SPIDR: variants seen among roughly 807,000 people sequenced by gnomAD.
The protein encoded by SPIDR is DNA repair-scaffolding protein.
A neutral mutation model predicts 104.6 loss-of-function variants in SPIDR; 93 were observed. The observed-to-expected ratio is 0.89, with a 90% confidence interval of 0.75 to 1.06. The LOEUF is 1.06. Ranked by LOEUF, SPIDR falls within the 50% of genes least tolerant of loss-of-function variation. SPIDR has a pLI of 0.00. For synonymous variants in SPIDR, 431 were observed against 416.9 expected, an observed-to-expected ratio of 1.03 and a Z score of -0.41; for missense variants, 1,154 against 1,111.2, an observed-to-expected ratio of 1.04 and a Z score of -0.55.
At chr8:47,406,488 T>C (rs527593840) in intron 6 of SPIDR, among the ~76,000 whole-genome samples, 4 of 152,170 alleles carry the variant, frequency 2.6e-5, no homozygotes, top group Non-Finnish European at 5.9e-5. Flanking sequence ...GGTTGACATG[T>C]AGAGGTGCTA....
chr8:47,396,250 G>C, intron 5 of SPIDR, 126 bp from the exon 6 acceptor site: 1 of 795,218 alleles, frequency 1.3e-6, no homozygotes, highest in Non-Finnish European at 1.9e-6. Context: ...TGCAGATACT[G>C]TATTCAAAAA....
intron 10 of SPIDR, among the ~76,000 whole-genome samples, chr8:47,606,237 C>T (rs1208616699): frequency 6.6e-6 from 1 of 151,996 alleles, no homozygotes; most frequent in African/African-American, 2.4e-5. Context: ...ACAAAGATCC[C>T]GGCTGGGCAC....
Position 47,369,777 on chromosome 8 carries a change from G to A in SPIDR, c.526-26599G>A, listed in dbSNP as rs532115819. On this transcript the variant is annotated intron_variant, in intron 5 of 19. Coordinates refer to ENST00000297423, the MANE Select transcript of SPIDR (RefSeq NM_001080394.4). The stretch of plus-strand genomic sequence containing the variant: ...TATATTTAAGAGCCTGATCATTGGA[G>A]AACAAAATGCATGCGGAAAGGAAAT... Among the ~76,000 whole-genome samples the A allele has an allele frequency of 2.6e-5, 4 of 152,274 alleles. No homozygotes were observed. In the South Asian group the frequency reaches 8.3e-4, roughly 32 times the overall value.
At chr8:47,700,277 A>G (rs1390604206) in intron 11 of SPIDR, 126 bp from the exon 12 acceptor site, 13 of 986,438 alleles carry the variant, frequency 1.3e-5, no homozygotes, top group Non-Finnish European at 2.1e-5. Context: ...CTGAATCGCC[A>G]CACATCTCGA....
At chr8:47,344,732 T>A (rs1310382137) in intron 5 of SPIDR, among the ~76,000 whole-genome samples, 1 of 152,244 alleles carries the variant, frequency 6.6e-6, no homozygotes, top group Non-Finnish European at 1.5e-5. Context: ...ATGATGAGCA[T>A]TTTTTCATGT....
At chr8:47,314,133 G>A (rs1586798749) in intron 5 of SPIDR, among the ~76,000 whole-genome samples, 1 of 152,298 alleles carries the variant, frequency 6.6e-6, no homozygotes, top group African/African-American at 2.4e-5. Flanking sequence ...GATGAGTCTA[G>A]GTTGATGGAG....
chr8:47,445,993 T>A (rs1448604500), intron 8 of SPIDR, among the ~76,000 whole-genome samples: 1 of 152,238 alleles, frequency 6.6e-6, no homozygotes, highest in Non-Finnish European at 1.5e-5. Flanking sequence ...AAGTAGCAAG[T>A]GCTGACAGAG....
At chr8:47,427,047 C>T (rs1413849911) in intron 7 of SPIDR, among the ~76,000 whole-genome samples, 1 of 152,100 alleles carries the variant, frequency 6.6e-6, no homozygotes, top group Non-Finnish European at 1.5e-5. Context: ...ACTCTGATGA[C>T]TTATTCCTTG....
At chr8:47,714,573 A>C (rs1001188358) in intron 16 of SPIDR, among the ~76,000 whole-genome samples, 3 of 152,236 alleles carry the variant, frequency 2.0e-5, no homozygotes, top group African/African-American at 7.2e-5. Flanking sequence ...AAATAAGAGA[A>C]AGTTAACAGC....
intron 5 of SPIDR, among the ~76,000 whole-genome samples, chr8:47,319,814 A>G (rs1242674829): frequency 6.6e-6 from 1 of 152,130 alleles, no homozygotes; most frequent in Non-Finnish European, 1.5e-5. Flanking sequence ...GCTCAACTAC[A>G]TGGAAACTGA....
chr8:47,293,490 A>T (rs2040305347), intron 4 of SPIDR, among the ~76,000 whole-genome samples: 2 of 152,216 alleles, frequency 1.3e-5, no homozygotes. Context: ...TCTGTTGCCC[A>T]GGCTGGAGTT....
At chr8:47,609,726 G>GT (rs1159543617) in intron 10 of SPIDR, among the ~76,000 whole-genome samples, 2 of 152,096 alleles carry the variant, frequency 1.3e-5, no homozygotes, top group Non-Finnish European at 2.9e-5. Context: ...AAAGTAATAT[G>GT]TACACGCTCT....
chr8:47,673,125 C>T (rs924098249), intron 10 of SPIDR, among the ~76,000 whole-genome samples: 6 of 152,314 alleles, frequency 3.9e-5, no homozygotes, highest in African/African-American at 1.4e-4. Context: ...GATAAATAAG[C>T]TTCATTTACT....
intron 10 of SPIDR, among the ~76,000 whole-genome samples, chr8:47,671,394 G>A (rs1054464128): frequency 6.6e-6 from 1 of 152,012 alleles, no homozygotes. Context: ...AGACCAGCCT[G>A]CCCAACATGG....
At chr8:47,409,860 C>A (rs1310932579) in intron 7 of SPIDR, among the ~76,000 whole-genome samples, 1 of 152,162 alleles carries the variant, frequency 6.6e-6, no homozygotes, top group African/African-American at 2.4e-5. Flanking sequence ...GAAACCCATT[C>A]GCTGCAAAAA....
At chr8:47,440,777 A>G (rs1554696456) in intron 8 of SPIDR, among the ~76,000 whole-genome samples, 1 of 152,196 alleles carries the variant, frequency 6.6e-6, no homozygotes, top group African/African-American at 2.4e-5. Flanking sequence ...GGAAACAACC[A>G]TATTAAGACT....
intron 7 of SPIDR, among the ~76,000 whole-genome samples, chr8:47,416,589 T>G (rs2064338107): frequency 6.6e-6 from 1 of 152,176 alleles, no homozygotes; most frequent in African/African-American, 2.4e-5. Context: ...TTTGTTTCAT[T>G]AAAAAAGGCA....
At chr8:47,484,790 T>A (rs2077321186) in intron 8 of SPIDR, among the ~76,000 whole-genome samples, 1 of 152,200 alleles carries the variant, frequency 6.6e-6, no homozygotes, top group Admixed American at 6.5e-5. Context: ...AATGTCACAT[T>A]TCCTGAATGT....
At chr8:47,702,077 TCTCTCTCTCTCTCTCTCTCTTACA>T (rs1295961544) in intron 14 of SPIDR, 62 bp downstream of exon 14, 94 of 573,656 alleles carry the variant, frequency 1.6e-4, no homozygotes, top group African/African-American at 4.8e-4. Flanking sequence ...TCTCTCTCTC[TCTCTCTCTCTCTCTCTCTCTTACA>T]CACACACACA....
Sources: allele counts gnomAD v4.1 joint callset (sites outside exome capture counted in the v4.1 genomes callset), GRCh38; gene constraint gnomAD v4.1.1; transcripts MANE v1.5; gene names NCBI Gene and HGNC (gene_info 2026-07-23, HGNC 2026-07-21).